Variants in ZNHIT6 observed in about 807,000 individuals in gnomAD.
ZNHIT6 encodes the protein box C/D snoRNA protein 1.
A neutral mutation model predicts 57.2 loss-of-function variants in ZNHIT6; 45 were observed. That is an observed-to-expected ratio of 0.79 (90% CI 0.62 to 1.01). The LOEUF is 1.01. Among genes scored for constraint, ZNHIT6 ranks in the 50% least tolerant of loss-of-function variants. The pLI is 0.00. For synonymous variants in ZNHIT6, 188 were observed against 190.0 expected (o/e 0.99, Z 0.09); for missense variants, 528 against 567.3 (o/e 0.93, Z 0.70).
intron 5 of ZNHIT6, among the ~76,000 whole-genome samples, 193 bp downstream of exon 5, chr1:85,701,964 A>G (rs1662542682): frequency 6.6e-6 from 1 of 150,602 alleles, no homozygotes; most frequent in Non-Finnish European, 1.5e-5. Context: ...ACACACACAC[A>G]CGCACACACT....
At chr1:85,676,804 G>A (rs566472010) in intron 8 of ZNHIT6, among the ~76,000 whole-genome samples, 18 of 152,258 alleles carry the variant, frequency 1.2e-4, no homozygotes, top group African/African-American at 4.1e-4. Flanking sequence ...TAGTGCTAAC[G>A]AAAAAGTTTG....
chr1:85,671,579 T>C (rs1661557651), intron 8 of ZNHIT6, among the ~76,000 whole-genome samples: 1 of 152,188 alleles, frequency 6.6e-6, no homozygotes, highest in Admixed American at 6.5e-5. Context: ...AAACACCTCT[T>C]ACGTTCATTG....
rs1218424576 is a variant in ZNHIT6 at position 85,650,801 on chromosome 1, T to G, written c.*3257A>C. Reference sequence around the variant, plus strand: ...TTTAGTAACCCTTGCTTGTGAGAACTAATCCATTCCCACGACAGCAAGAAT... The same window carrying G: ...TTTAGTAACCCTTGCTTGTGAGAACGAATCCATTCCCACGACAGCAAGAAT... On this transcript the variant is annotated 3_prime_UTR_variant, in exon 10 of 10. Coordinates refer to ENST00000370574, the MANE Select transcript of ZNHIT6 (RefSeq NM_017953.4). 1 of 152,126 alleles carries G rather than the reference T, an allele frequency of 6.6e-6. No individual in the cohort carries two copies. The highest frequency in any genetic ancestry group is 1.5e-5 in the Non-Finnish European group (1 of 68,024). 9.4% of individuals were successfully genotyped at this position (152,126 alleles called of 1,614,324 possible).
intron 8 of ZNHIT6, among the ~76,000 whole-genome samples, chr1:85,674,660 T>C (rs72946655): frequency 0.041 from 6,311 of 152,298 alleles, 201 homozygotes; most frequent in East Asian, 0.15. Context: ...ATAATTCTTT[T>C]ATTATCTGTT....
intron 8 of ZNHIT6, among the ~76,000 whole-genome samples, chr1:85,672,938 G>T (rs1309423838): frequency 6.6e-6 from 1 of 152,096 alleles, no homozygotes; most frequent in African/African-American, 2.4e-5. Context: ...TTGGAAAACT[G>T]TACTTGAATA....
At chr1:85,692,093 C>T (rs879330473) in intron 5 of ZNHIT6, among the ~76,000 whole-genome samples, 2 of 152,048 alleles carry the variant, frequency 1.3e-5, no homozygotes, top group Admixed American at 6.6e-5. Flanking sequence ...CGCTTGAACC[C>T]GGGAGGCAGA....
intron 5 of ZNHIT6, among the ~76,000 whole-genome samples, chr1:85,695,999 G>A (rs1662358563): frequency 6.6e-6 from 1 of 152,222 alleles, no homozygotes; most frequent in Admixed American, 6.5e-5. Context: ...TCGTGCCACT[G>A]CACTCCAGCC....
At position 85,707,894 on chromosome 1, in the gene ZNHIT6, T is replaced by C; in HGVS notation, c.391A>G (p.Lys131Glu). 1.9e-6 allele frequency: 3 copies of C among 1,614,078 alleles called. No individual in the cohort carries two copies. Among genetic ancestry groups the C allele is most frequent in the South Asian group, 1.1e-5 (1 of 91,074 alleles). ...TDSSLVVKEA[K>E]VGEPEVKEEK... ...TCCTTTACCTCTGGTTCACCCACCT[T>C]CGCTTCTTTTACCACTAAACTACTA... The change falls in exon 1 of 10, where the codon AAG (lysine) becomes GAG (glutamate). Residue 131 changes from lysine (K) to glutamate (E), a missense_variant. By Grantham distance (56) the Lys-to-Glu change is moderately conservative. Coordinates refer to ENST00000370574, the MANE Select transcript of ZNHIT6 (RefSeq NM_017953.4).
chr1:85,687,307 A>AAAAAAAAAAAAAATTT (rs1557861217), intron 5 of ZNHIT6, among the ~76,000 whole-genome samples: 1 of 145,646 alleles, frequency 6.9e-6, no homozygotes, highest in Non-Finnish European at 1.5e-5. Context: ...AACAAAAAAA[A>AAAAAAAAAAAAAATTT]AAAACAATTT....
In ZNHIT6 at chr1:85,649,548, T is replaced by C. The variant is rs1570271800; in HGVS notation, c.*4510A>G. 1 of 152,348 alleles carries C rather than the reference T, an allele frequency of 6.6e-6. No individual in the cohort carries two copies. The highest frequency in any genetic ancestry group is 1.9e-4 in the East Asian group (1 of 5,190). The allele number at this position is 152,348 out of a possible 1,614,324, so 9.4% of individuals were successfully genotyped here. On this transcript the variant is annotated 3_prime_UTR_variant, in exon 10 of 10. Transcript: ENST00000370574. ...ATGAGTACAGTACATCACACTCCAG[T>C]ATGGAAAATGTTCATGTTATAGGTC...
intron 8 of ZNHIT6, among the ~76,000 whole-genome samples, chr1:85,666,052 A>G (rs953199272): frequency 4.6e-5 from 7 of 152,154 alleles, no homozygotes; most frequent in Non-Finnish European, 1.0e-4. Flanking sequence ...TCCTCATTCA[A>G]CAAATATTTA....
intron 5 of ZNHIT6, among the ~76,000 whole-genome samples, chr1:85,699,870 T>C (rs1289484261): frequency 6.6e-6 from 1 of 152,240 alleles, no homozygotes; most frequent in South Asian, 2.1e-4. Context: ...AAAGGTGGAA[T>C]ACCCTATTTA....
At position 85,672,813 on chromosome 1, in the gene ZNHIT6, C is replaced by T. The variant is rs561909033; in HGVS notation, c.1247+4423G>A. On this transcript the variant is annotated intron_variant, in intron 8 of 9. Coordinates refer to ENST00000370574, the MANE Select transcript of ZNHIT6 (RefSeq NM_017953.4). ...TAAATCACAAAAAAAAAAAAAACCA[C>T]GAAGATTTACAAGTATCAAAGCAGC... Among the ~76,000 whole-genome samples, 11 of 146,874 alleles carry T rather than the reference C, an allele frequency of 7.5e-5. No individual in the cohort carries two copies. The South Asian group carries it at 1.9e-3, about 26-fold the overall frequency.
rs1259778079 is a variant in ZNHIT6, at chr1:85,679,556, T to C, written c.1089-775A>G. 3.9e-5 allele frequency among the ~76,000 whole-genome samples: 5 copies of C among 129,016 alleles called. No homozygotes were observed. In the East Asian group the frequency reaches 1.2e-3, roughly 30 times the overall value. The allele number at this position is 129,016 out of a possible 152,430, so 84.6% of individuals were successfully genotyped here. ...CAAGGAATGAAATAGTTCACAAACA[T>C]TAAAATGTTTTTTTTTTTTTTTTTT... is the stretch of plus-strand genomic sequence containing the variant. On this transcript the variant is annotated intron_variant, in intron 6 of 9. Transcript: ENST00000370574.
At chr1:85,667,012 A>C (rs558198566) in intron 8 of ZNHIT6, among the ~76,000 whole-genome samples, 1 of 152,346 alleles carries the variant, frequency 6.6e-6, no homozygotes, top group East Asian at 1.9e-4. Context: ...TTGAAAAATA[A>C]ACAACAATCC....
At chr1:85,688,710 T>C (rs555632977) in intron 5 of ZNHIT6, among the ~76,000 whole-genome samples, 2 of 152,286 alleles carry the variant, frequency 1.3e-5, no homozygotes, top group South Asian at 2.1e-4. Context: ...AGCCTAATCA[T>C]GGTGAAGTTC....
chr1:85,692,507 A>G (rs1662248643), intron 5 of ZNHIT6, among the ~76,000 whole-genome samples: 1 of 152,204 alleles, frequency 6.6e-6, no homozygotes, highest in Non-Finnish European at 1.5e-5. Context: ...TATCAAAGCT[A>G]TTATGGCAGA....
chr1:85,658,454 T>A (rs1052279204), intron 8 of ZNHIT6, among the ~76,000 whole-genome samples: 1 of 152,048 alleles, frequency 6.6e-6, no homozygotes, highest in Non-Finnish European at 1.5e-5. Flanking sequence ...ATGGTCTCGA[T>A]CTCCTGACCT....
Position 85,677,215 on chromosome 1 carries a change from T to G in ZNHIT6, c.1247+21A>C, listed in dbSNP as rs1401519899. 1.9e-6 allele frequency: 3 copies of G among 1,557,510 alleles called. No homozygotes were observed. In the East Asian group the frequency reaches 6.8e-5, roughly 36 times the overall value. On this transcript the variant is annotated intron_variant, in intron 8 of 9. Transcript: ENST00000370574. ...CAGAACTAAAAAATATTTAAAGAAA[T>G]GGGGAGGGGAGCAATTTTACCTTAC...
Sources: gnomAD v4.1 joint callset for allele counts (sites outside exome capture counted in the v4.1 genomes callset) on GRCh38, gnomAD v4.1.1 for gene constraint, MANE v1.5 for transcripts, NCBI Gene and HGNC (gene_info 2026-07-23, HGNC 2026-07-21) for gene names.